The following WBP11 variants were observed in gnomAD, a reference collection of about 807,000 sequenced individuals.
The protein encoded by WBP11 is WW domain binding protein 11.
In WBP11, 12 loss-of-function variants were observed where a neutral mutation model predicts 66.7. The ratio of observed to expected loss-of-function variants is 0.18; its 90% CI spans 0.12 to 0.29. WBP11 has a LOEUF of 0.29. Among genes scored for constraint, WBP11 ranks in the 10% least tolerant of loss-of-function variants. The probability of loss-of-function intolerance (pLI) is 1.00; values close to 1 mark genes in which losing one functional copy is unlikely to be tolerated. For missense variants in WBP11, 555 were observed against 818.3 expected, an observed-to-expected ratio of 0.68 and a Z score of 3.93; for synonymous variants, 255 against 273.8, an observed-to-expected ratio of 0.93 and a Z score of 0.68.
chr12:14,790,213 A>G (rs1267156850), intron 10 of WBP11, among the ~76,000 whole-genome samples: 2 of 152,264 alleles, frequency 1.3e-5, no homozygotes, highest in Non-Finnish European at 2.9e-5. Flanking sequence ...CTGCTGTAAT[A>G]AGAAAAACTG....
At chr12:14,800,901 G>T in intron 2 of WBP11, 118 bp from the exon 3 acceptor site, 1 of 825,656 alleles carries the variant, frequency 1.2e-6, no homozygotes, top group Non-Finnish European at 1.9e-6. Flanking sequence ...CTGTAAAAGA[G>T]CAGCATCTTT....
At chr12:14,795,732 A>C (rs544060106) in intron 5 of WBP11, among the ~76,000 whole-genome samples, 2 of 152,288 alleles carry the variant, frequency 1.3e-5, no homozygotes, top group African/African-American at 4.8e-5. Context: ...TCGGTCTCAA[A>C]AACAAAAAAT....
At chr12:14,790,159 A>G (rs1257957840) in intron 10 of WBP11, among the ~76,000 whole-genome samples, 3 of 152,234 alleles carry the variant, frequency 2.0e-5, no homozygotes, top group African/African-American at 4.8e-5. Flanking sequence ...TCATACTAAA[A>G]AGCAATACTA....
chr12:14,792,725 T>A (rs1398478157), intron 8 of WBP11, among the ~76,000 whole-genome samples: 2 of 151,364 alleles, frequency 1.3e-5, no homozygotes, highest in Non-Finnish European at 2.9e-5. Context: ...CCCAGCTACT[T>A]GGGAGACTGA....
chr12:14,798,019 G>A (rs1949912900), intron 4 of WBP11, among the ~76,000 whole-genome samples: 1 of 151,886 alleles, frequency 6.6e-6, no homozygotes, highest in South Asian at 2.1e-4. Context: ...GCTTTTTTCT[G>A]CCTTAACTAG....
At chr12:14,801,008 A>C in intron 2 of WBP11, 1 of 482,092 alleles carries the variant, frequency 2.1e-6, no homozygotes, top group Non-Finnish European at 3.6e-6. Flanking sequence ...AACAACTATG[A>C]ATCTGAAGGA....
chr12:14,802,580 T>C (rs565226514), intron 1 of WBP11, among the ~76,000 whole-genome samples: 1 of 152,172 alleles, frequency 6.6e-6, no homozygotes, highest in Non-Finnish European at 1.5e-5. Flanking sequence ...ACAAATAAAA[T>C]ATCCTGTGAT....
Position 14,788,964 on chromosome 12 carries a change from G to A in WBP11, c.1479C>T (p.Pro493=). ...PPRGPPPRLP[P]PAPPGIPPPR... ...TGAAAGCATCACCTGGAGGTGCAGG[G>A]GGAGGTAGCCTTGGTGGGGGTCCAC... Residue 493 remains proline (P), a synonymous_variant, in exon 11 of 12, where the codon CCC becomes CCT. Coordinates refer to ENST00000261167, the MANE Select transcript of WBP11 (RefSeq NM_016312.3). The A allele has an allele frequency of 1.4e-6, 2 of 1,456,652 alleles. No individual in the cohort carries two copies. Among genetic ancestry groups the A allele is most frequent in the Non-Finnish European group, 1.8e-6 (2 of 1,111,024 alleles). 90.2% of individuals were successfully genotyped at this position (1,456,652 alleles called of 1,614,324 possible).
intron 5 of WBP11, among the ~76,000 whole-genome samples, chr12:14,795,557 C>G (rs1474551201): frequency 6.6e-6 from 1 of 152,030 alleles, no homozygotes; most frequent in Non-Finnish European, 1.5e-5. Flanking sequence ...TGGTGAAACT[C>G]CATCTCTAAT....
intron 10 of WBP11, among the ~76,000 whole-genome samples, chr12:14,789,524 G>A (rs182160886): frequency 3.9e-5 from 6 of 152,254 alleles, no homozygotes; most frequent in African/African-American, 1.4e-4. Flanking sequence ...GGCGGAGCTT[G>A]TAGTGAGCTG....
intron 8 of WBP11, among the ~76,000 whole-genome samples, chr12:14,792,415 C>T (rs1204720390): frequency 6.6e-6 from 1 of 152,046 alleles, no homozygotes; most frequent in Non-Finnish European, 1.5e-5. Flanking sequence ...GTTTTGTTTA[C>T]CCTGTATCCT....
At chr12:14,793,669 T>G (rs1191757590) in intron 8 of WBP11, 62 bp downstream of exon 8, 1 of 1,538,048 alleles carries the variant, frequency 6.5e-7, no homozygotes. Flanking sequence ...ATTAATAAAT[T>G]AGGACCTTCA....
At chr12:14,799,854 G>T in intron 3 of WBP11, 126 bp from the exon 4 acceptor site, 1 of 825,308 alleles carries the variant, frequency 1.2e-6, no homozygotes. Flanking sequence ...ACCAGAAACA[G>T]CTATGTAATT....
intron 3 of WBP11, 143 bp from the exon 4 acceptor site, chr12:14,799,871 C>A: frequency 1.4e-6 from 1 of 713,624 alleles, no homozygotes; most frequent in Non-Finnish European, 2.2e-6. Context: ...AATTTTTTGC[C>A]TTAAAAATGT....
rs1370257716 is a variant in WBP11, at chr12:14,785,692, C to T, written c.*1373G>A. On this transcript the variant is annotated 3_prime_UTR_variant, in exon 12 of 12. Transcript: ENST00000261167. ...ATAAATGCCTTATTGTATTATTGCA[C>T]TACATTTTAGGTTATCACCAATTTT... 1.3e-5 allele frequency: 2 copies of T among 152,162 alleles called. No individual in the cohort carries two copies. The highest frequency in any genetic ancestry group is 2.9e-5 in the Non-Finnish European group (2 of 68,034). The allele number at this position is 152,162 out of a possible 1,614,324, so 9.4% of individuals were successfully genotyped here. A position where few individuals can be genotyped will look rare whatever the true frequency, so the allele number is the denominator to read the frequency against.
At chr12:14,789,801 T>C (rs1033221933) in intron 10 of WBP11, among the ~76,000 whole-genome samples, 5 of 152,176 alleles carry the variant, frequency 3.3e-5, no homozygotes, top group Admixed American at 2.0e-4. Context: ...CTCATGAATA[T>C]ATAGACAAAG....
intron 2 of WBP11, 44 bp from the exon 3 acceptor site, chr12:14,800,827 G>A: frequency 6.6e-7 from 1 of 1,511,866 alleles, no homozygotes; most frequent in Non-Finnish European, 9.1e-7. Context: ...TTTGAATCTT[G>A]AACATTAGCA....
At chr12:14,800,822 A>C (rs753563285) in intron 2 of WBP11, 39 bp from the exon 3 acceptor site, 2 of 1,525,364 alleles carry the variant, frequency 1.3e-6, no homozygotes, top group Non-Finnish European at 1.8e-6. Context: ...AAATCTTTGA[A>C]TCTTGAACAT....
rs535254129 is a variant in WBP11 at position 14,793,772 on chromosome 12, C to T, written c.872G>A (p.Arg291His). Reference sequence around the variant, plus strand: ...ATTGTTGTCTCTCTCACCATTATCACGGTGCACAAATTCATCCCCGTCACT... The same window carrying T: ...ATTGTTGTCTCTCTCACCATTATCATGGTGCACAAATTCATCCCCGTCACT... The part of the protein sequence containing the change: ...GESDGDEFVH[R>H]DNGERDNNEE... Residue 291 changes from arginine (R) to histidine (H), a missense_variant, in exon 8 of 12, where the codon CGT becomes CAT. Physicochemically the swap from Arg to His is conservative, Grantham distance 29. Coordinates refer to ENST00000261167, the MANE Select transcript of WBP11 (RefSeq NM_016312.3). 46 of 1,614,034 alleles carry T rather than the reference C, an allele frequency of 2.9e-5. 1 individual carries two copies. Among genetic ancestry groups the T allele is most frequent in the South Asian group, 5.5e-5 (5 of 91,054 alleles).
Sources: gnomAD v4.1 joint callset for allele counts (sites outside exome capture counted in the v4.1 genomes callset) on GRCh38, gnomAD v4.1.1 for gene constraint, MANE v1.5 for transcripts, NCBI Gene and HGNC (gene_info 2026-07-23, HGNC 2026-07-21) for gene names.